The following TUBGCP5 variants were observed in gnomAD, a reference collection of about 807,000 sequenced individuals.
The protein encoded by TUBGCP5 is tubulin gamma complex component 5, also known as gamma-tubulin complex component 5.
TUBGCP5 carries 98 observed loss-of-function variants against 134.7 expected under a neutral mutation model. That is an observed-to-expected ratio of 0.73 (90% CI 0.62 to 0.86). TUBGCP5 has a LOEUF of 0.86. Ranked by LOEUF, TUBGCP5 falls within the 40% of genes least tolerant of loss-of-function variation. The pLI is 0.00. For missense variants in TUBGCP5, 1,150 were observed against 1,244.8 expected (o/e 0.92, Z 1.15); for synonymous variants, 456 against 431.4 (o/e 1.06, Z -0.71).
Position 23,037,110 on chromosome 15 carries a change from T to A in TUBGCP5, c.189A>T (p.Lys63Asn). The change falls in exon 2 of 23, where the codon AAA (lysine) becomes AAT (asparagine). Residue 63 changes from lysine (K) to asparagine (N), a missense_variant. Transcript: ENST00000615383. Reference protein sequence around the residue: ...FLDVNSHKIEKTIEGIYEKFV... With the variant: ...FLDVNSHKIENTIEGIYEKFV... ...ACACACTGACTTACCCTTCGATTGT[T>A]TTTTCTATTTTGTGGCTGTTGACAT... The A allele has an allele frequency of 2.5e-6, 4 of 1,613,812 alleles. No homozygotes were observed. Among genetic ancestry groups the A allele is most frequent in the Non-Finnish European group, 3.4e-6 (4 of 1,179,976 alleles).
intron 23 of TUBGCP5, among the ~76,000 whole-genome samples, chr15:22,989,442 T>A (rs1351672033): frequency 6.7e-6 from 1 of 148,696 alleles, no homozygotes. Context: ...CCTCACTAGG[T>A]TGACACAATA....
chr15:23,035,730 G>C (rs964093043), intron 3 of TUBGCP5, among the ~76,000 whole-genome samples: 1 of 152,056 alleles, frequency 6.6e-6, no homozygotes, highest in Non-Finnish European at 1.5e-5. Flanking sequence ...ACACATCCAA[G>C]ATGCCACACA....
intron 4 of TUBGCP5, among the ~76,000 whole-genome samples, 158 bp from the exon 5 acceptor site, chr15:23,032,187 T>A (rs1313879463): frequency 1.3e-5 from 2 of 152,230 alleles, no homozygotes; most frequent in Non-Finnish European, 2.9e-5. Flanking sequence ...TAAAACATTT[T>A]ACATTTTAAT....
At chr15:23,026,514 C>T (rs1311376483) in intron 7 of TUBGCP5, among the ~76,000 whole-genome samples, 1 of 151,838 alleles carries the variant, frequency 6.6e-6, no homozygotes, top group Non-Finnish European at 1.5e-5. Flanking sequence ...TCAAATAATG[C>T]CCTAATATAT....
At chr15:23,010,513 G>C (rs10163079) in intron 14 of TUBGCP5, among the ~76,000 whole-genome samples, 6,978 of 152,226 alleles carry the variant, frequency 0.046, 424 homozygotes, top group African/African-American at 0.14. Flanking sequence ...CCCACTCATG[G>C]CCCAGAGTTT....
At chr15:23,015,635 G>C (rs889711372) in intron 13 of TUBGCP5, among the ~76,000 whole-genome samples, 1 of 151,914 alleles carries the variant, frequency 6.6e-6, no homozygotes. Context: ...GAGCAAGACT[G>C]TCTCAAAAAA....
Position 23,008,771 on chromosome 15 carries a change from C to T in TUBGCP5, c.2255G>A (p.Trp752Ter), listed in dbSNP as rs142203053. 4 of 1,608,550 alleles carry T rather than the reference C, an allele frequency of 2.5e-6. No individual in the cohort carries two copies. Among genetic ancestry groups the T allele is most frequent in the Non-Finnish European group, 2.5e-6 (3 of 1,178,746 alleles). Reference protein sequence around the residue: ...IFDKIREKETWQNVSFLNVQL... With the variant: ...IFDKIREKET ...GACATTAAGAAAAGACACATTCTGC[C>T]ATGTTTCCTTTTCTCTTATTTTATC... Residue 752 changes from tryptophan (W) to a stop codon, truncating the protein, a stop_gained, in exon 16 of 23, where the codon TGG (tryptophan) becomes TAG (stop). Transcript: ENST00000615383. LOFTEE classifies it high-confidence loss of function.
chr15:23,027,058 C>T (rs1210556954), intron 7 of TUBGCP5, 134 bp downstream of exon 7: 3 of 578,458 alleles, frequency 5.2e-6, no homozygotes, highest in Non-Finnish European at 8.4e-6. Context: ...AATCTGTCTC[C>T]AAAAAAAAAA....
At chr15:23,000,244 T>C in intron 22 of TUBGCP5, 1 of 1,219,520 alleles carries the variant, frequency 8.2e-7, no homozygotes, top group Non-Finnish European at 1.0e-6. Flanking sequence ...TTAAAAAGAC[T>C]AGATTTTGAA....
chr15:23,003,261 G>T, intron 20 of TUBGCP5, 108 bp from the exon 21 acceptor site: 1 of 1,079,516 alleles, frequency 9.3e-7, no homozygotes, highest in Non-Finnish European at 1.4e-6. Context: ...TCACCACAGT[G>T]ACTGCCTTCT....
intron 21 of TUBGCP5, among the ~76,000 whole-genome samples, chr15:23,001,562 C>T (rs2064379119): frequency 6.6e-6 from 1 of 151,886 alleles, no homozygotes; most frequent in South Asian, 2.1e-4. Flanking sequence ...AGGCTGGTCT[C>T]GAACTCCTGA....
At position 22,986,932 on chromosome 15, in the gene TUBGCP5, G is replaced by C. The variant is rs1192469652; in HGVS notation, c.*62-3321C>G. ...CAGTCAGGGTTCAACCAGAAAAGCA[G>C]AATCAGTAGGAGATACATATTAGGA... is the stretch of plus-strand genomic sequence containing the variant. On this transcript the variant is annotated intron_variant and NMD_transcript_variant, in intron 23 of 23. Transcript: ENST00000614508. Among the ~76,000 whole-genome samples the C allele has an allele frequency of 3.9e-5, 6 of 152,254 alleles. No homozygotes were observed. The South Asian group carries it at 8.3e-4, about 21-fold the overall frequency.
chr15:23,025,999 T>C, intron 8 of TUBGCP5, 117 bp downstream of exon 8: 1 of 722,868 alleles, frequency 1.4e-6, no homozygotes, highest in South Asian at 1.8e-5. Flanking sequence ...ACTTCACACC[T>C]AATGGACCTT....
intron 23 of TUBGCP5, among the ~76,000 whole-genome samples, chr15:22,993,539 T>G (rs1380452672): frequency 1.7e-5 from 2 of 120,880 alleles, no homozygotes; most frequent in African/African-American, 3.0e-5. Context: ...TTTTTTTTTT[T>G]TTTTTTTTTT....
At chr15:23,024,420 A>C (rs745909362) in intron 9 of TUBGCP5, 89 of 506,128 alleles carry the variant, frequency 1.8e-4, no homozygotes, top group South Asian at 2.4e-4. Context: ...AAAAACATAC[A>C]TAAGTAAATG....
chr15:23,008,305 C>T (rs2064840969), intron 16 of TUBGCP5, among the ~76,000 whole-genome samples: 1 of 151,898 alleles, frequency 6.6e-6, no homozygotes, highest in East Asian at 1.9e-4. Context: ...TCGTTCTTGT[C>T]GCCCAGGCTG....
At chr15:23,023,781 G>T in intron 10 of TUBGCP5, 166 bp downstream of exon 10, 1 of 622,804 alleles carries the variant, frequency 1.6e-6, no homozygotes, top group Non-Finnish European at 2.5e-6. Flanking sequence ...GATTTTTAGA[G>T]ATATGAATGG....
intron 11 of TUBGCP5, 189 bp from the exon 12 acceptor site, chr15:23,019,523 C>CCCA (rs1372515584): frequency 1.8e-6 from 1 of 570,260 alleles, no homozygotes; most frequent in African/African-American, 1.9e-5. Flanking sequence ...AAATGCCGGG[C>CCCA]GTGGTGGCTC....
rs145933936 is a variant in TUBGCP5 at position 23,032,731 on chromosome 15, C to A, written c.403G>T (p.Val135Leu). ...GTTAAGGAATCTAGTAACATACCCA[C>A]TTCTTTATTTCTTGGTGTCTCCACA... The part of the protein sequence containing the change: ...SYVETPRNKE[V>L]EKKDDFDWGK... The change falls in exon 4 of 23, where the codon GTG becomes TTG. Residue 135 changes from valine (V) to leucine (L), a missense_variant. By Grantham distance (32) the Val-to-Leu change is conservative. Around this residue, in one of 2 missense-constraint regions of TUBGCP5, gnomAD observed 453 missense variants for 394.7 expected, o/e 1.15. Coordinates refer to ENST00000615383, the MANE Select transcript of TUBGCP5 (RefSeq NM_052903.6). 2 of 1,572,478 alleles carry A rather than the reference C, an allele frequency of 1.3e-6. No homozygotes were observed. The highest frequency in any genetic ancestry group is 2.7e-5 in the African/African-American group (2 of 73,046).
Sources: allele counts gnomAD v4.1 joint callset (sites outside exome capture counted in the v4.1 genomes callset), GRCh38; gene constraint gnomAD v4.1.1; regional missense constraint gnomAD v4.1.1; transcripts MANE v1.5; gene names NCBI Gene and HGNC (gene_info 2026-07-23, HGNC 2026-07-21).